Variants in EVC observed in about 807,000 individuals in gnomAD.
The protein encoded by EVC is evC complex member EVC.
In EVC, 116 loss-of-function variants were observed where a neutral mutation model predicts 118.9. The ratio of observed to expected loss-of-function variants is 0.98; its 90% CI spans 0.84 to 1.14. The LOEUF (loss-of-function observed/expected upper bound fraction) is 1.14. Among genes scored for constraint, EVC ranks in the 50% most tolerant of loss-of-function variants. EVC has a pLI of 0.00. For synonymous variants in EVC, 619 were observed against 534.7 expected, an observed-to-expected ratio of 1.16 and a Z score of -2.18; for missense variants, 1,401 against 1,246.4, an observed-to-expected ratio of 1.12 and a Z score of -1.87.
the EVC span, chr4:5,828,436 C>A: frequency 6.3e-7 from 1 of 1,586,102 alleles, no homozygotes; most frequent in Non-Finnish European, 8.6e-7. Flanking sequence ...CCCCAAGAGA[C>A]GCTGTCGGCT....
At chr4:5,716,645 A>G (rs1334741138) in intron 1 of EVC, among the ~76,000 whole-genome samples, 1 of 152,230 alleles carries the variant, frequency 6.6e-6, no homozygotes, top group Non-Finnish European at 1.5e-5. Context: ...TAGTTTCTGC[A>G]GGGAAACCAA....
At chr4:5,804,202 T>C (rs1012164657) in intron 16 of EVC, among the ~76,000 whole-genome samples, 1 of 152,106 alleles carries the variant, frequency 6.6e-6, no homozygotes, top group Admixed American at 6.5e-5. Flanking sequence ...CCTCCCAAAG[T>C]GCTGGGATTA....
downstream of EVC, among the ~76,000 whole-genome samples, chr4:5,818,858 G>A (rs1718063960): frequency 6.6e-6 from 1 of 152,104 alleles, no homozygotes; most frequent in Admixed American, 6.5e-5. Context: ...ATGCCAAATG[G>A]ACTAAGACAG....
chr4:5,813,686 CT>C lies in EVC; in HGVS notation c.*2650del, dbSNP rs1260736074. On this transcript the variant is annotated 3_prime_UTR_variant, in exon 21 of 21. Transcript: ENST00000264956. ...TCTGTGGAATGATCACGGGACCCTT[CT>C]CCTCTGAGAAGGCTCCCGGCTGCCT... is the stretch of plus-strand genomic sequence containing the variant. 6.6e-6 allele frequency: 1 copy of C among 152,032 alleles called. No individual in the cohort carries two copies. Among genetic ancestry groups the C allele is most frequent in the Admixed American group, 6.5e-5 (1 of 15,282 alleles). The allele number at this position is 152,032 out of a possible 1,614,324, so 9.4% of individuals were successfully genotyped here. A position where few individuals can be genotyped will look rare whatever the true frequency, so the allele number is the denominator to read the frequency against.
chr4:5,824,423 C>T, the EVC span: 1 of 985,258 alleles, frequency 1.0e-6, no homozygotes, highest in Non-Finnish European at 1.2e-6. Context: ...ATCACTGAAT[C>T]AGACACTTCC....
chr4:5,787,434 A>G (rs1022457245), intron 12 of EVC, among the ~76,000 whole-genome samples: 1 of 152,352 alleles, frequency 6.6e-6, no homozygotes, highest in Middle Eastern at 3.4e-3. Flanking sequence ...CAGCAGTGCC[A>G]GAGTGAGGAG....
chr4:5,785,309 T>C (rs974082310), intron 12 of EVC, among the ~76,000 whole-genome samples: 1 of 152,210 alleles, frequency 6.6e-6, no homozygotes, highest in Non-Finnish European at 1.5e-5. Flanking sequence ...CTGGCAGTGC[T>C]GTTAAGCCAT....
intron 19 of EVC, 106 bp from the exon 20 acceptor site, chr4:5,810,233 C>T: frequency 1.2e-6 from 1 of 855,532 alleles, no homozygotes. Flanking sequence ...ACACTTGGCC[C>T]ACACAACATG....
At chr4:5,714,064 C>G (rs912066642) in intron 1 of EVC, among the ~76,000 whole-genome samples, 3 of 152,234 alleles carry the variant, frequency 2.0e-5, no homozygotes, top group South Asian at 2.1e-4. Flanking sequence ...CCGTACACCT[C>G]TGCACTTCTG....
intron 11 of EVC, among the ~76,000 whole-genome samples, chr4:5,772,486 A>G (rs1734138132): frequency 6.6e-6 from 1 of 152,094 alleles, no homozygotes; most frequent in Non-Finnish European, 1.5e-5. Flanking sequence ...GTTCTTAACC[A>G]TATGAAAGAG....
At chr4:5,772,375 G>T (rs1057006259) in intron 11 of EVC, among the ~76,000 whole-genome samples, 14 of 151,584 alleles carry the variant, frequency 9.2e-5, no homozygotes, top group African/African-American at 3.2e-4. Context: ...GAAGCAAACA[G>T]ACCAGGTTAT....
chr4:5,739,047 T>TGC (rs1466163984), intron 5 of EVC, among the ~76,000 whole-genome samples: 1 of 152,246 alleles, frequency 6.6e-6, no homozygotes, highest in Non-Finnish European at 1.5e-5. Context: ...GTGTGCGGCT[T>TGC]GCTTTATTGT....
At chr4:5,744,730 A>AATT (rs1291777075) in intron 6 of EVC, among the ~76,000 whole-genome samples, 1 of 152,130 alleles carries the variant, frequency 6.6e-6, no homozygotes, top group Non-Finnish European at 1.5e-5. Flanking sequence ...ATCACACCAG[A>AATT]GCAATGGCCT....
the EVC span, chr4:5,824,735 A>G: frequency 9.1e-6 from 9 of 985,234 alleles, no homozygotes; most frequent in Non-Finnish European, 1.1e-5. Context: ...CTTCTAAGAA[A>G]AAAAATCACC....
In EVC at chr4:5,789,199, C is replaced by T; in HGVS notation, c.1777-4409C>T. On this transcript the variant is annotated intron_variant, in intron 12 of 20. Transcript: ENST00000264956. The surrounding 1 kb of genome is among the most constrained non-coding windows in gnomAD (Gnocchi z 4.3). Reference sequence around the variant, plus strand: ...CACATCGTGTTGCTTCTCTGCAGAACCCCCAATGGCTTCTCATTTCACACA... The same window carrying T: ...CACATCGTGTTGCTTCTCTGCAGAATCCCCAATGGCTTCTCATTTCACACA... 6.6e-6 allele frequency among the ~76,000 whole-genome samples: 1 copy of T among 152,152 alleles called. No individual in the cohort carries two copies. The highest frequency in any genetic ancestry group is 1.9e-4 in the East Asian group (1 of 5,186).
intron 13 of EVC, among the ~76,000 whole-genome samples, chr4:5,794,342 C>CAT (rs1713464686): frequency 3.1e-5 from 3 of 98,166 alleles, no homozygotes; most frequent in Admixed American, 1.2e-4. Flanking sequence ...TATTTATATA[C>CAT]TTATATATAT....
Position 5,746,175 on chromosome 4 carries a change from G to T in EVC, c.939+834G>T, listed in dbSNP as rs1205058519. ...TGTGTCTTAAGCCAGCGAGATGGGAGTGTCTATTGCCAGCGAGGTGGGAGT... is the reference window on the plus strand; with the variant it reads ...TGTGTCTTAAGCCAGCGAGATGGGATTGTCTATTGCCAGCGAGGTGGGAGT... On this transcript the variant is annotated intron_variant, in intron 7 of 20. Coordinates refer to ENST00000264956, the MANE Select transcript of EVC (RefSeq NM_153717.3). The surrounding 1 kb of genome is among the most constrained non-coding windows in gnomAD (Gnocchi z 5.8). Among the ~76,000 whole-genome samples the T allele has an allele frequency of 6.6e-6, 1 of 152,218 alleles. No homozygotes were observed. The highest frequency in any genetic ancestry group is 1.5e-5 in the Non-Finnish European group (1 of 68,040).
rs560449667 is a variant in EVC at position 5,765,538 on chromosome 4, A to G, written c.1563+9176A>G. Among the ~76,000 whole-genome samples, 22 of 119,986 alleles carry G rather than the reference A, an allele frequency of 1.8e-4. 2 individuals carry two copies. The highest frequency in any genetic ancestry group is 2.6e-4 in the African/African-American group (8 of 31,020). The allele number at this position is 119,986 out of a possible 152,430, so 78.7% of individuals were successfully genotyped here. Reference sequence around the variant, plus strand: ...TCCCATTATTAATGTGTGGGAGTCTATGTCTCTTTGGAGGTTACTCAGGAC... The same window carrying G: ...TCCCATTATTAATGTGTGGGAGTCTGTGTCTCTTTGGAGGTTACTCAGGAC... On this transcript the variant is annotated intron_variant, in intron 11 of 20. Coordinates refer to ENST00000264956, the MANE Select transcript of EVC (RefSeq NM_153717.3).
chr4:5,821,792 C>T, the EVC span: 2 of 1,611,476 alleles, frequency 1.2e-6, no homozygotes, highest in Non-Finnish European at 1.7e-6. This position sits in a 1 kb window ranked among gnomAD's most constrained non-coding sequence, Gnocchi z 4.4. Flanking sequence ...GAGCGGCCAC[C>T]AGGGGGCGCC....
Sources: allele counts gnomAD v4.1 joint callset (sites outside exome capture counted in the v4.1 genomes callset), GRCh38; gene constraint gnomAD v4.1.1; non-coding constraint Gnocchi (gnomAD v3.1); transcripts MANE v1.5; gene names NCBI Gene and HGNC (gene_info 2026-07-23, HGNC 2026-07-21).